The following TM9SF3 variants were observed in gnomAD, a reference collection of about 807,000 sequenced individuals.
TM9SF3 encodes the protein transmembrane 9 superfamily member 3.
TM9SF3 carries 14 observed loss-of-function variants against 78.6 expected under a neutral mutation model. The ratio of observed to expected loss-of-function variants is 0.18; its 90% CI spans 0.12 to 0.28. The LOEUF is 0.28. TM9SF3 is among the 10% of genes least tolerant of loss of function. TM9SF3 has a pLI of 1.00. For missense variants in TM9SF3, 496 were observed against 721.9 expected (o/e 0.69, Z 3.59); for synonymous variants, 231 against 241.7 (o/e 0.96, Z 0.41).
rs1202672629 is a variant in TM9SF3, at chr10:96,558,645, C to CAAA, written c.660+1011_660+1013dup. ...CAGGGGACAGAGCAAGGCTCTGTCT[C>CAAA]AAAAAAAAAAAAAAAGACTAAATTC... On this transcript the variant is annotated intron_variant, in intron 5 of 14. Coordinates refer to ENST00000371142, the MANE Select transcript of TM9SF3 (RefSeq NM_020123.4). 7.9e-5 allele frequency among the ~76,000 whole-genome samples: 7 copies of CAAA among 88,188 alleles called. No homozygotes were observed. In the South Asian group the frequency reaches 2.5e-3, roughly 31 times the overall value. 57.9% of individuals were successfully genotyped at this position (88,188 alleles called of 152,430 possible). A position where few individuals can be genotyped will look rare whatever the true frequency, so the allele number is the denominator to read the frequency against.
intron 9 of TM9SF3, among the ~76,000 whole-genome samples, chr10:96,539,892 T>A (rs754745880): frequency 6.6e-6 from 1 of 152,178 alleles, no homozygotes; most frequent in African/African-American, 2.4e-5. Flanking sequence ...CGGGAGAGTC[T>A]TGGTTTTCTG....
At chr10:96,539,650 A>G (rs1463049388) in intron 9 of TM9SF3, among the ~76,000 whole-genome samples, 1 of 152,184 alleles carries the variant, frequency 6.6e-6, no homozygotes, top group South Asian at 2.1e-4. Flanking sequence ...GGGTGTATGT[A>G]TATCAAAATT....
At position 96,572,452 on chromosome 10, in the gene TM9SF3, T is replaced by C. The variant is rs537408069; in HGVS notation, c.298+4182A>G. Reference sequence around the variant, plus strand: ...GGTTCGAAGAGGTACCCTCTAAAACTGGAGGGTACTGAATTCAAACCAGGC... The same window carrying C: ...GGTTCGAAGAGGTACCCTCTAAAACCGGAGGGTACTGAATTCAAACCAGGC... On this transcript the variant is annotated intron_variant, in intron 2 of 14. Coordinates refer to ENST00000371142, the MANE Select transcript of TM9SF3 (RefSeq NM_020123.4). Among the ~76,000 whole-genome samples the C allele has an allele frequency of 2.7e-4, 41 of 151,952 alleles. No individual in the cohort carries two copies. The South Asian group carries it at 8.3e-3, about 31-fold the overall frequency.
At chr10:96,565,264 C>T (rs754935296) in intron 3 of TM9SF3, 40 bp downstream of exon 3, 4 of 1,459,722 alleles carry the variant, frequency 2.7e-6, no homozygotes, top group Non-Finnish European at 1.8e-6. Context: ...TCTGATTATG[C>T]AAATTTTCCC....
intron 2 of TM9SF3, among the ~76,000 whole-genome samples, chr10:96,575,409 G>A (rs1398640499): frequency 6.8e-6 from 1 of 146,454 alleles, no homozygotes; most frequent in Non-Finnish European, 1.5e-5. Context: ...ATGCCACTGT[G>A]GTTTAAATTT....
intron 7 of TM9SF3, among the ~76,000 whole-genome samples, chr10:96,548,944 C>T (rs1445609287): frequency 6.6e-6 from 1 of 151,826 alleles, no homozygotes; most frequent in Non-Finnish European, 1.5e-5. Context: ...CCATTTTTAT[C>T]TACATTGAAA....
intron 1 of TM9SF3, among the ~76,000 whole-genome samples, chr10:96,582,885 G>A (rs1848587207): frequency 1.3e-5 from 2 of 152,000 alleles, no homozygotes; most frequent in South Asian, 4.2e-4. Flanking sequence ...TTCAAGACCA[G>A]CTGACCAACA....
chr10:96,522,877 G>A (rs1847795532), intron 14 of TM9SF3, among the ~76,000 whole-genome samples: 1 of 151,768 alleles, frequency 6.6e-6, no homozygotes, highest in Admixed American at 6.6e-5. Flanking sequence ...TTGGTAGTAG[G>A]GATGACATAT....
At chr10:96,550,210 T>C (rs1393888765) in intron 7 of TM9SF3, among the ~76,000 whole-genome samples, 1 of 152,228 alleles carries the variant, frequency 6.6e-6, no homozygotes, top group African/African-American at 2.4e-5. Flanking sequence ...TCACTTCAGT[T>C]CAACAAGCAT....
intron 14 of TM9SF3, among the ~76,000 whole-genome samples, chr10:96,526,604 T>A (rs1374091455): frequency 3.3e-5 from 5 of 152,124 alleles, no homozygotes; most frequent in African/African-American, 1.2e-4. Flanking sequence ...AAATAGTGGT[T>A]TTATCCCCAC....
intron 1 of TM9SF3, among the ~76,000 whole-genome samples, chr10:96,581,036 C>G (rs1228360803): frequency 6.6e-6 from 1 of 152,138 alleles, no homozygotes; most frequent in East Asian, 1.9e-4. Context: ...TACAAAGCAA[C>G]TAAAGACAGT....
At chr10:96,530,665 C>T in intron 10 of TM9SF3, 57 bp from the exon 11 acceptor site, 1 of 1,418,744 alleles carries the variant, frequency 7.0e-7, no homozygotes, top group Non-Finnish European at 9.7e-7. Context: ...GTTATATAAA[C>T]ACTGATAACA....
At chr10:96,567,722 G>C (rs996355478) in intron 2 of TM9SF3, among the ~76,000 whole-genome samples, 10 of 152,114 alleles carry the variant, frequency 6.6e-5, no homozygotes, top group Admixed American at 6.5e-4. Flanking sequence ...AACACCATTA[G>C]GTCTTGAGCG....
Position 96,586,808 on chromosome 10 carries a change from C to A in TM9SF3, c.28G>T (p.Val10Leu), listed in dbSNP as rs1848637906. 7.9e-7 allele frequency: 1 copy of A among 1,269,262 alleles called. No individual in the cohort carries two copies. The highest frequency in any genetic ancestry group is 2.7e-5 in the South Asian group (1 of 37,344). 78.6% of individuals were successfully genotyped at this position (1,269,262 alleles called of 1,614,324 possible). MRPLPGALG[V>L]AAAAALWLLL... Reference sequence around the variant, plus strand: ...AGCCACAGCGCGGCGGCCGCCGCCACGCCAAGAGCGCCAGGCAGCGGCCTC... The same window carrying A: ...AGCCACAGCGCGGCGGCCGCCGCCAAGCCAAGAGCGCCAGGCAGCGGCCTC... Residue 10 changes from valine to leucine, a missense_variant, in exon 1 of 15, where the codon GTG becomes TTG. By Grantham distance (32) the Val-to-Leu change is conservative. This residue lies in a region of TM9SF3 where 58 missense variants were observed against 32.9 expected (regional missense o/e 1.76). Transcript: ENST00000371142.
chr10:96,558,159 AGTGAGTGCCAGTT>A (rs1280562002), intron 5 of TM9SF3, among the ~76,000 whole-genome samples: 1 of 152,220 alleles, frequency 6.6e-6, no homozygotes, highest in African/African-American at 2.4e-5. Flanking sequence ...GAGTTCCAGT[AGTGAGTGCCAGTT>A]AAGAGCCTTC....
At chr10:96,568,706 CAA>C (rs1848406040) in intron 2 of TM9SF3, among the ~76,000 whole-genome samples, 1 of 151,882 alleles carries the variant, frequency 6.6e-6, no homozygotes, top group African/African-American at 2.4e-5. Flanking sequence ...CAGCACTTGG[CAA>C]AGTCTCTCTT....
chr10:96,570,638 T>C (rs1001395524), intron 2 of TM9SF3, among the ~76,000 whole-genome samples: 3 of 152,216 alleles, frequency 2.0e-5, no homozygotes, highest in Non-Finnish European at 2.9e-5. Context: ...CAAGGCAGAT[T>C]TAACCACAAG....
Position 96,527,795 on chromosome 10 carries a change from T to C in TM9SF3, c.1541+236A>G, listed in dbSNP as rs188224498. ...GAGCAATGCTTCTCATAAAACTCTT[T>C]TCATATCAAGCACTTTGTAAAAAAT... is the stretch of plus-strand genomic sequence containing the variant. On this transcript the variant is annotated intron_variant, in intron 12 of 14. Coordinates refer to ENST00000371142, the MANE Select transcript of TM9SF3 (RefSeq NM_020123.4). 4.2e-3 allele frequency among the ~76,000 whole-genome samples: 646 copies of C among 152,230 alleles called. 23 individuals carry two copies. Among genetic ancestry groups the C allele is most frequent in the Admixed American group, 0.04 (605 of 15,280 alleles).
chr10:96,565,464 T>C, intron 2 of TM9SF3, 38 bp from the exon 3 acceptor site: 1 of 1,515,242 alleles, frequency 6.6e-7, no homozygotes, highest in Non-Finnish European at 8.7e-7. Flanking sequence ...CCCACTAGTT[T>C]GCAAAATAGT....
Sources: allele counts gnomAD v4.1 joint callset (sites outside exome capture counted in the v4.1 genomes callset), GRCh38; gene constraint gnomAD v4.1.1; regional missense constraint gnomAD v4.1.1; transcripts MANE v1.5; gene names NCBI Gene and HGNC (gene_info 2026-07-23, HGNC 2026-07-21).